Variants in LRRC4C observed in about 807,000 individuals in gnomAD.
LRRC4C encodes the protein leucine rich repeat containing 4C.
A neutral mutation model predicts 33.6 loss-of-function variants in LRRC4C; 5 were observed. That is an observed-to-expected ratio of 0.15 (90% CI 0.08 to 0.31). LRRC4C has a LOEUF of 0.31. Among genes scored for constraint, LRRC4C ranks in the 10% least tolerant of loss-of-function variants. The probability of loss-of-function intolerance (pLI) is 1.00; values close to 1 mark genes in which losing one functional copy is unlikely to be tolerated. For synonymous variants in LRRC4C, 329 were observed against 302.0 expected, an observed-to-expected ratio of 1.09 and a Z score of -0.93; for missense variants, 560 against 796.7, an observed-to-expected ratio of 0.70 and a Z score of 3.58.
At chr11:40,346,687 C>T (rs1039605654) in intron 3 of LRRC4C, among the ~76,000 whole-genome samples, 6 of 152,086 alleles carry the variant, frequency 3.9e-5, no homozygotes, top group Non-Finnish European at 7.4e-5. Context: ...TGCACATGTG[C>T]CCCTGAACTT....
At chr11:40,915,783 T>C (rs1442990130) in intron 2 of LRRC4C, among the ~76,000 whole-genome samples, 1 of 152,080 alleles carries the variant, frequency 6.6e-6, no homozygotes, top group Non-Finnish European at 1.5e-5. Flanking sequence ...GAGAAAATTT[T>C]TGCAATCTAC....
At chr11:40,879,823 G>A (rs2136010385) in intron 2 of LRRC4C, among the ~76,000 whole-genome samples, 1 of 152,218 alleles carries the variant, frequency 6.6e-6, no homozygotes, top group East Asian at 1.9e-4. Flanking sequence ...CAAAAACATG[G>A]AAAACCTTGG....
chr11:40,499,771 G>T (rs991020931), intron 3 of LRRC4C, among the ~76,000 whole-genome samples: 5 of 152,072 alleles, frequency 3.3e-5, no homozygotes, highest in African/African-American at 1.2e-4. Flanking sequence ...AACGTGAAAG[G>T]GGAAATGAGT....
chr11:41,275,350 G>C (rs1301146951), intron 1 of LRRC4C, among the ~76,000 whole-genome samples: 1 of 151,994 alleles, frequency 6.6e-6, no homozygotes, highest in African/African-American at 2.4e-5. Context: ...TGAATAATGG[G>C]GTGAAATATA....
chr11:40,381,954 GTTTT>G (rs34415574), intron 3 of LRRC4C, among the ~76,000 whole-genome samples: 3 of 85,914 alleles, frequency 3.5e-5, no homozygotes, highest in African/African-American at 4.5e-5. Context: ...ATCAGTCAGC[GTTTT>G]TTTTTTTTTT....
intron 3 of LRRC4C, among the ~76,000 whole-genome samples, chr11:40,450,327 T>C (rs1418272866): frequency 6.6e-6 from 1 of 152,204 alleles, no homozygotes; most frequent in Non-Finnish European, 1.5e-5. Context: ...TTGTTAATTA[T>C]GATTAAATAA....
intron 2 of LRRC4C, among the ~76,000 whole-genome samples, chr11:40,899,023 C>T (rs1956092927): frequency 6.6e-6 from 1 of 151,466 alleles, no homozygotes; most frequent in African/African-American, 2.4e-5. Context: ...CTGCATTCTT[C>T]ATGGTTTACT....
chr11:41,394,412 G>A (rs1472966319), intron 1 of LRRC4C, among the ~76,000 whole-genome samples: 1 of 151,928 alleles, frequency 6.6e-6, no homozygotes, highest in East Asian at 1.9e-4. Flanking sequence ...GCGCCTCCCT[G>A]CAGAGAGGGC....
intron 6 of LRRC4C, among the ~76,000 whole-genome samples, chr11:40,122,952 T>TACACACACAC (rs371461809): frequency 0.02 from 2,828 of 140,308 alleles, 61 homozygotes; most frequent in South Asian, 0.1. Context: ...TATATATTTA[T>TACACACACAC]ACACACACAC....
chr11:40,637,994 G>T (rs55910438), intron 3 of LRRC4C, among the ~76,000 whole-genome samples: 4,931 of 152,136 alleles, frequency 0.032, 111 homozygotes, highest in African/African-American at 0.056. Context: ...TACTGGAAAG[G>T]TTTTCTCCCA....
chr11:40,926,365 C>A (rs866251321), intron 2 of LRRC4C, among the ~76,000 whole-genome samples: 1 of 151,590 alleles, frequency 6.6e-6, no homozygotes, highest in South Asian at 2.1e-4. Context: ...GAAATAAATT[C>A]GACAATAAAT....
chr11:40,386,144 G>GAAT (rs1949102943), intron 3 of LRRC4C, among the ~76,000 whole-genome samples: 1 of 151,880 alleles, frequency 6.6e-6, no homozygotes, highest in Non-Finnish European at 1.5e-5. Context: ...ACATACCACA[G>GAAT]AATAACTGAA....
intron 1 of LRRC4C, among the ~76,000 whole-genome samples, chr11:41,420,530 G>A (rs1018641957): frequency 3.3e-5 from 5 of 152,044 alleles, no homozygotes; most frequent in African/African-American, 7.2e-5. Context: ...TACATTGCTA[G>A]TGCATATTTT....
At chr11:40,591,179 G>C (rs1333827323) in intron 3 of LRRC4C, among the ~76,000 whole-genome samples, 3 of 152,156 alleles carry the variant, frequency 2.0e-5, no homozygotes, top group Non-Finnish European at 4.4e-5. Flanking sequence ...ATAATCTCTT[G>C]GTGTGCCATT....
At chr11:40,521,783 C>T (rs949735122) in intron 3 of LRRC4C, among the ~76,000 whole-genome samples, 7 of 151,886 alleles carry the variant, frequency 4.6e-5, no homozygotes, top group Non-Finnish European at 8.8e-5. Context: ...GCAGGAGAAT[C>T]GCTTGAACCT....
chr11:40,882,325 T>TA (rs968699322), intron 2 of LRRC4C, among the ~76,000 whole-genome samples: 5 of 151,706 alleles, frequency 3.3e-5, no homozygotes, highest in Admixed American at 6.6e-5. Context: ...CTCTTGAGAA[T>TA]AAAAAAAAGG....
chr11:40,447,587 A>T (rs1041012244), intron 3 of LRRC4C, among the ~76,000 whole-genome samples: 1 of 152,228 alleles, frequency 6.6e-6, no homozygotes, highest in Admixed American at 6.5e-5. Flanking sequence ...AGAAGAAAAC[A>T]TAAAGCACAG....
At chr11:40,693,519 A>T (rs1052895991) in intron 2 of LRRC4C, among the ~76,000 whole-genome samples, 4 of 152,032 alleles carry the variant, frequency 2.6e-5, no homozygotes, top group African/African-American at 9.7e-5. Context: ...TAATCTGCAG[A>T]CTTTCTTTAT....
intron 2 of LRRC4C, among the ~76,000 whole-genome samples, chr11:40,868,267 G>A (rs998684030): frequency 8.5e-5 from 13 of 152,098 alleles, no homozygotes; most frequent in African/African-American, 3.1e-4. Flanking sequence ...AAAAGGAACA[G>A]GGAATGTGGT....
Sources: allele counts gnomAD v4.1 joint callset (sites outside exome capture counted in the v4.1 genomes callset), GRCh38; gene constraint gnomAD v4.1.1; transcripts MANE v1.5; gene names NCBI Gene and HGNC (gene_info 2026-07-23, HGNC 2026-07-21).